Variants in RNF2 observed in about 807,000 individuals in gnomAD.
RNF2 encodes the protein ring finger protein 2, also known as E3 ubiquitin-protein ligase RING2.
A neutral mutation model predicts 37.2 loss-of-function variants in RNF2; 6 were observed. The ratio of observed to expected loss-of-function variants is 0.16; its 90% confidence interval spans 0.09 to 0.32. The LOEUF (loss-of-function observed/expected upper bound fraction) is 0.32, where lower values mean the gene tolerates loss of function less well. RNF2 is among the 10% of genes least tolerant of loss of function. The probability of loss-of-function intolerance (pLI) is 1.00; values close to 1 mark genes in which losing one functional copy is unlikely to be tolerated. For missense variants in RNF2, 251 were observed against 404.0 expected (o/e 0.62, Z 3.25); for synonymous variants, 133 against 132.7 (o/e 1.00, Z -0.02).
rs898571146 is a variant in RNF2, at chr1:185,101,366, T to A, written c.*1065T>A. ...CTTTTAATTACACTCTGTAGAAGGT[T>A]AATAGAGCTTGAGCCCTGCTTTAAT... On this transcript the variant is annotated 3_prime_UTR_variant, in exon 7 of 7. Transcript: ENST00000367510. 9.2e-5 allele frequency: 14 copies of A among 152,554 alleles called. No individual in the cohort carries two copies. Among genetic ancestry groups the A allele is most frequent in the African/African-American group, 3.4e-4 (14 of 41,440 alleles). The allele number at this position is 152,554 out of a possible 1,614,324, so 9.5% of individuals were successfully genotyped here.
chr1:185,048,869 T>C (rs934237399), intron 1 of RNF2, among the ~76,000 whole-genome samples: 1 of 152,316 alleles, frequency 6.6e-6, no homozygotes, highest in East Asian at 1.9e-4. Context: ...TTCTTGGTGT[T>C]TCTTTGAGCA....
chr1:185,074,435 C>G (rs1370522260), intron 1 of RNF2, among the ~76,000 whole-genome samples: 2 of 151,900 alleles, frequency 1.3e-5, no homozygotes, highest in Non-Finnish European at 2.9e-5. Flanking sequence ...AGTCCCTGTC[C>G]TGAATCTATC....
At chr1:185,080,432 A>G (rs1571314988) in intron 1 of RNF2, among the ~76,000 whole-genome samples, 1 of 152,228 alleles carries the variant, frequency 6.6e-6, no homozygotes, top group Non-Finnish European at 1.5e-5. Context: ...ATATTGATCT[A>G]AAGCAAAGAG....
chr1:185,090,743 C>G (rs1242712356), intron 2 of RNF2, among the ~76,000 whole-genome samples: 1 of 152,148 alleles, frequency 6.6e-6, no homozygotes, highest in Non-Finnish European at 1.5e-5. Flanking sequence ...GGAGTTGATA[C>G]TGGTGGCATT....
chr1:185,063,840 T>G (rs1650720564), intron 1 of RNF2, among the ~76,000 whole-genome samples: 1 of 152,210 alleles, frequency 6.6e-6, no homozygotes, highest in African/African-American at 2.4e-5. Context: ...ATTGCTCTCT[T>G]GGACTACTAC....
chr1:185,082,617 A>G (rs1392817294), intron 1 of RNF2, among the ~76,000 whole-genome samples: 2 of 151,996 alleles, frequency 1.3e-5, no homozygotes, highest in African/African-American at 4.8e-5. Context: ...GGCCTCCCAA[A>G]GTGCTGGGGT....
At chr1:185,096,764 ATAGT>A (rs1014021013) in intron 4 of RNF2, among the ~76,000 whole-genome samples, 1 of 150,792 alleles carries the variant, frequency 6.6e-6, no homozygotes, top group African/African-American at 2.4e-5. Flanking sequence ...TTTTTGAATC[ATAGT>A]TTGTTATTTA....
At position 185,087,649 on chromosome 1, in the gene RNF2, T is replaced by TTC. The variant is rs757971537; in HGVS notation, c.87+9_87+10insTC. 1 of 1,605,230 alleles carries TTC rather than the reference T, an allele frequency of 6.2e-7. No homozygotes were observed. Among genetic ancestry groups the TTC allele is most frequent in the Non-Finnish European group, 8.5e-7 (1 of 1,172,060 alleles). On this transcript the variant is annotated intron_variant, in intron 2 of 6. Coordinates refer to ENST00000367510, the MANE Select transcript of RNF2 (RefSeq NM_007212.4). ...TACAACGAACACCTCAGGTAATGAC[T>TTC]AAGATGACTGCCAAGGGGCATATGA...
At chr1:185,084,647 A>G (rs190948291) in intron 1 of RNF2, among the ~76,000 whole-genome samples, 13 of 152,230 alleles carry the variant, frequency 8.5e-5, no homozygotes, top group African/African-American at 2.9e-4. Context: ...TCTTAGCTGT[A>G]TTATCTTTGA....
rs1367283872 is a variant in RNF2, at chr1:185,101,393, T to G, written c.*1092T>G. 2 of 152,568 alleles carry G rather than the reference T, an allele frequency of 1.3e-5. No individual in the cohort carries two copies. The highest frequency in any genetic ancestry group is 6.5e-5 in the Admixed American group (1 of 15,274). The allele number at this position is 152,568 out of a possible 1,614,324, so 9.5% of individuals were successfully genotyped here. On this transcript the variant is annotated 3_prime_UTR_variant, in exon 7 of 7. Coordinates refer to ENST00000367510, the MANE Select transcript of RNF2 (RefSeq NM_007212.4). ...ATAGAGCTTGAGCCCTGCTTTAATA[T>G]GTAGTGAAAGATAATTCTGTAGAAA...
At chr1:185,061,678 T>C (rs888204100) in intron 1 of RNF2, among the ~76,000 whole-genome samples, 1 of 152,192 alleles carries the variant, frequency 6.6e-6, no homozygotes, top group Non-Finnish European at 1.5e-5. Context: ...ATACCTCTTT[T>C]TGACTTAGAA....
At chr1:185,052,935 T>C (rs1306650149) in intron 1 of RNF2, among the ~76,000 whole-genome samples, 1 of 152,252 alleles carries the variant, frequency 6.6e-6, no homozygotes, top group Admixed American at 6.5e-5. Flanking sequence ...AGCCAGGCAC[T>C]GTTATAGGTA....
intron 1 of RNF2, among the ~76,000 whole-genome samples, chr1:185,053,962 C>G (rs1290820160): frequency 1.3e-5 from 2 of 152,104 alleles, no homozygotes; most frequent in Non-Finnish European, 2.9e-5. Context: ...AATGTAGCAG[C>G]GTTCACTTAA....
chr1:185,093,155 C>G lies in RNF2; in HGVS notation c.343C>G (p.Pro115Ala), dbSNP rs756785364. 6.2e-7 allele frequency: 1 copy of G among 1,614,014 alleles called. No homozygotes were observed. Among genetic ancestry groups the G allele is most frequent in the South Asian group, 1.1e-5 (1 of 91,072 alleles). The change falls in exon 4 of 7, where the codon CCA (proline) becomes GCA (alanine). Residue 115 changes from proline to alanine, a missense_variant. Transcript: ENST00000367510. ...TGATGCACTCATCAGCAAAATTTAT[C>G]CAAGTCGTGATGAGTATGAAGCTCA... ...NFDALISKIY[P>A]SRDEYEAHQE...
chr1:185,053,963 G>A (rs536003353), intron 1 of RNF2, among the ~76,000 whole-genome samples: 1 of 152,020 alleles, frequency 6.6e-6, no homozygotes, highest in South Asian at 2.1e-4. Context: ...ATGTAGCAGC[G>A]TTCACTTAAC....
Position 185,100,182 on chromosome 1 carries a change from C to T in RNF2, c.910-18C>T. ...GTTTGTGCAGTTTTCATAATTTTTT[C>T]TTTCTTTTTTGTTTTAGGTATTAAA... On this transcript the variant is annotated intron_variant, in intron 6 of 6. Transcript: ENST00000367510. 6.5e-7 allele frequency: 1 copy of T among 1,544,522 alleles called. No homozygotes were observed.
At chr1:185,077,655 A>G (rs1200052749) in intron 1 of RNF2, among the ~76,000 whole-genome samples, 1 of 122,680 alleles carries the variant, frequency 8.2e-6, no homozygotes, top group Admixed American at 8.4e-5. Flanking sequence ...AAATTTAGCT[A>G]TATTATTGGC....
At chr1:185,070,638 C>CTTTTTTTTTTTTT (rs893631238) in intron 1 of RNF2, among the ~76,000 whole-genome samples, 1 of 129,744 alleles carries the variant, frequency 7.7e-6, no homozygotes, top group African/African-American at 2.8e-5. Flanking sequence ...ATTTTCTTTT[C>CTTTTTTTTTTTTT]TTTTTTTTTT....
chr1:185,065,182 C>T (rs1650764065), intron 1 of RNF2, among the ~76,000 whole-genome samples: 1 of 151,980 alleles, frequency 6.6e-6, no homozygotes, highest in African/African-American at 2.4e-5. Flanking sequence ...CTGTGTCTAG[C>T]TAAAGGATTG....
Sources: allele counts gnomAD v4.1 joint callset (sites outside exome capture counted in the v4.1 genomes callset), GRCh38; gene constraint gnomAD v4.1.1; transcripts MANE v1.5; gene names NCBI Gene and HGNC (gene_info 2026-07-23, HGNC 2026-07-21).